The following CACNB2 variants were observed in gnomAD, a reference collection of about 807,000 sequenced individuals.
CACNB2 encodes the protein voltage-dependent L-type calcium channel subunit beta-2.
CACNB2 carries 42 observed loss-of-function variants against 73.3 expected under a neutral mutation model. That is an observed-to-expected ratio of 0.57 (90% CI 0.45 to 0.74). The LOEUF is 0.74. CACNB2 is among the 30% of genes least tolerant of loss of function. The probability of loss-of-function intolerance (pLI) is 0.00; values close to 1 mark genes in which losing one functional copy is unlikely to be tolerated. For synonymous variants in CACNB2, 348 were observed against 310.3 expected, an observed-to-expected ratio of 1.12 and a Z score of -1.28; for missense variants, 940 against 853.0, an observed-to-expected ratio of 1.10 and a Z score of -1.27.
At chr10:18,181,673 G>A (rs1035226597) in intron 2 of CACNB2, 8 of 149,612 alleles carry the variant, frequency 5.3e-5, no homozygotes, top group Non-Finnish European at 1.0e-4. Flanking sequence ...GGAGTGCAGT[G>A]GTTCAGTCAT....
At chr10:18,301,749 A>G (rs1379117448) in intron 2 of CACNB2, among the ~76,000 whole-genome samples, 2 of 151,480 alleles carry the variant, frequency 1.3e-5, no homozygotes, top group Non-Finnish European at 2.9e-5. Flanking sequence ...TCTGGGTTCC[A>G]ATGATTCTCC....
At chr10:18,184,815 C>T (rs1208018197) in intron 2 of CACNB2, among the ~76,000 whole-genome samples, 4 of 152,014 alleles carry the variant, frequency 2.6e-5, no homozygotes, top group Admixed American at 1.3e-4. Context: ...CTGCACATGT[C>T]GACCCATCAC....
chr10:18,520,667 AC>A (rs1192555772), intron 9 of CACNB2, among the ~76,000 whole-genome samples: 3 of 151,968 alleles, frequency 2.0e-5, no homozygotes, highest in African/African-American at 7.3e-5. Context: ...ACACGTCCTT[AC>A]CTAGATTTTC....
chr10:18,171,521 G>GAAAAAAA lies in CACNB2; in HGVS notation c.213+20568_213+20574dup, dbSNP rs370201485. 1.1e-3 allele frequency among the ~76,000 whole-genome samples: 35 copies of GAAAAAAA among 32,604 alleles called. 3 individuals are homozygous for GAAAAAAA. The highest frequency in any genetic ancestry group is 1.6e-3 in the African/African-American group (16 of 9,816). The allele number at this position is 32,604 out of a possible 152,430, so 21.4% of individuals were successfully genotyped here. On this transcript the variant is annotated intron_variant, in intron 2 of 13. Coordinates refer to ENST00000324631, the MANE Select transcript of CACNB2 (RefSeq NM_201596.3). ...TCCCTTCTTCCCGGCTTTGATAGCAGAAAAAAAAAAAAAAAAAAAAAAAAA... is the reference window on the plus strand; with the variant it reads ...TCCCTTCTTCCCGGCTTTGATAGCAGAAAAAAAAAAAAAAAAAAAAAAAAAAAAAAAA...
chr10:18,251,148 G>A (rs765080371), intron 2 of CACNB2, among the ~76,000 whole-genome samples: 5 of 152,186 alleles, frequency 3.3e-5, no homozygotes, highest in Admixed American at 2.0e-4. Flanking sequence ...CTAAAACTCC[G>A]GTTGGGAGCT....
chr10:18,428,776 T>C (rs2045737214), intron 3 of CACNB2, among the ~76,000 whole-genome samples: 1 of 152,170 alleles, frequency 6.6e-6, no homozygotes, highest in African/African-American at 2.4e-5. Flanking sequence ...CACATTATAG[T>C]TCTGGGCTTG....
chr10:18,535,140 GT>G (rs2133292266), intron 11 of CACNB2, among the ~76,000 whole-genome samples: 1 of 152,300 alleles, frequency 6.6e-6, no homozygotes, highest in East Asian at 1.9e-4. Flanking sequence ...AACCATTATT[GT>G]TTGTATGATC....
At chr10:18,147,755 C>G (rs2031135563) in intron 1 of CACNB2, among the ~76,000 whole-genome samples, 1 of 151,866 alleles carries the variant, frequency 6.6e-6, no homozygotes, top group African/African-American at 2.4e-5. Flanking sequence ...TATTTGAACA[C>G]TTAATCTTCC....
At chr10:18,232,503 G>C (rs2036260731) in intron 2 of CACNB2, among the ~76,000 whole-genome samples, 2 of 152,300 alleles carry the variant, frequency 1.3e-5, no homozygotes, top group South Asian at 4.1e-4. Context: ...ATGGTTTGCA[G>C]TGTTTAATAC....
At chr10:18,411,062 T>G (rs74117988) in intron 3 of CACNB2, among the ~76,000 whole-genome samples, 10,027 of 152,276 alleles carry the variant, frequency 0.066, 876 homozygotes, top group African/African-American at 0.19. Flanking sequence ...ACATTCTTAT[T>G]AAAATATTTT....
At chr10:18,365,248 A>G (rs2042300826) in intron 2 of CACNB2, among the ~76,000 whole-genome samples, 1 of 152,192 alleles carries the variant, frequency 6.6e-6, no homozygotes, top group Non-Finnish European at 1.5e-5. Flanking sequence ...TGTTTTCAGC[A>G]TGCAATCAAG....
chr10:18,290,318 A>C (rs560947433), intron 2 of CACNB2, among the ~76,000 whole-genome samples: 91 of 151,218 alleles, frequency 6.0e-4, no homozygotes, highest in African/African-American at 2.1e-3. Context: ...TGAGCCACTG[A>C]GCCTGGCCTC....
chr10:18,539,187 C>T (rs2053900781), intron 13 of CACNB2, 43 bp from the exon 14 acceptor site: 2 of 1,613,228 alleles, frequency 1.2e-6, no homozygotes, highest in Non-Finnish European at 1.7e-6. Context: ...GTTCTTTACA[C>T]ACTGACCTTG....
At chr10:18,255,352 C>G (rs1334578492) in intron 2 of CACNB2, among the ~76,000 whole-genome samples, 1 of 152,236 alleles carries the variant, frequency 6.6e-6, no homozygotes, top group Non-Finnish European at 1.5e-5. Flanking sequence ...TGAGCCTCAG[C>G]TCAGGTAGCA....
intron 3 of CACNB2, among the ~76,000 whole-genome samples, chr10:18,444,346 A>T (rs946427452): frequency 6.6e-6 from 1 of 152,116 alleles, no homozygotes; most frequent in Non-Finnish European, 1.5e-5. Flanking sequence ...CTGGGTTAAC[A>T]TCCCAATTCT....
At chr10:18,269,952 T>G (rs777950747) in intron 2 of CACNB2, among the ~76,000 whole-genome samples, 64 of 152,186 alleles carry the variant, frequency 4.2e-4, no homozygotes, top group Non-Finnish European at 6.6e-4. Flanking sequence ...TTCTTTCTAT[T>G]CCACCTATCT....
intron 3 of CACNB2, among the ~76,000 whole-genome samples, chr10:18,419,666 A>G (rs2045210015): frequency 1.3e-5 from 2 of 152,226 alleles, no homozygotes; most frequent in Admixed American, 1.3e-4. Context: ...GAAAGAATTC[A>G]GGGAAAGTCA....
At chr10:18,213,832 C>T (rs937950561) in intron 2 of CACNB2, among the ~76,000 whole-genome samples, 2 of 152,174 alleles carry the variant, frequency 1.3e-5, no homozygotes, top group African/African-American at 4.8e-5. Context: ...CAGGATGACC[C>T]TGTAGAAGTT....
At chr10:18,267,069 T>G (rs1588890982) in intron 2 of CACNB2, among the ~76,000 whole-genome samples, 1 of 152,142 alleles carries the variant, frequency 6.6e-6, no homozygotes, top group Non-Finnish European at 1.5e-5. Flanking sequence ...ACTCAGAGCT[T>G]TTCCAGATAA....
Sources: allele counts gnomAD v4.1 joint callset (sites outside exome capture counted in the v4.1 genomes callset), GRCh38; gene constraint gnomAD v4.1.1; transcripts MANE v1.5; gene names NCBI Gene and HGNC (gene_info 2026-07-23, HGNC 2026-07-21).